RPIA: variants seen among roughly 807,000 people sequenced by gnomAD.
The protein encoded by RPIA is ribose 5-phosphate isomerase A.
In RPIA, 29 loss-of-function variants were observed where a neutral mutation model predicts 37.8. The observed-to-expected ratio is 0.77, with a 90% confidence interval of 0.57 to 1.05. RPIA has a LOEUF of 1.05. RPIA is among the 50% of genes least tolerant of loss of function. The pLI is 0.00. For synonymous variants in RPIA, 167 were observed against 157.0 expected (o/e 1.06, Z -0.48); for missense variants, 385 against 413.6 (o/e 0.93, Z 0.60).
At chr2:88,738,118 C>A in intron 8 of RPIA, 42 bp downstream of exon 8, 2 of 1,413,174 alleles carry the variant, frequency 1.4e-6, no homozygotes, top group Non-Finnish European at 2.0e-6. Context: ...ACACCCATGG[C>A]CTTCATAACT....
At chr2:88,743,800 T>C (rs570325869) in intron 8 of RPIA, among the ~76,000 whole-genome samples, 1 of 152,194 alleles carries the variant, frequency 6.6e-6, no homozygotes, top group African/African-American at 2.4e-5. Flanking sequence ...TTCATGCACA[T>C]ACAGGTGTTC....
intron 3 of RPIA, among the ~76,000 whole-genome samples, chr2:88,714,376 T>C (rs560063228): frequency 3.9e-5 from 6 of 152,142 alleles, no homozygotes; most frequent in Non-Finnish European, 7.4e-5. Context: ...TTCACCATGT[T>C]GGCCAGGCTG....
At chr2:88,710,037 G>C (rs181492946) in intron 3 of RPIA, among the ~76,000 whole-genome samples, 156 of 152,166 alleles carry the variant, frequency 1.0e-3, no homozygotes, top group Non-Finnish European at 1.6e-3. Context: ...CATCTGATCT[G>C]GGCAAGGCAG....
intron 6 of RPIA, 72 bp downstream of exon 6, chr2:88,735,809 T>G: frequency 6.9e-7 from 1 of 1,444,736 alleles, no homozygotes; most frequent in South Asian, 1.1e-5. Context: ...CCCATTTTTG[T>G]GAAAGAGGAA....
At chr2:88,695,478 C>T (rs967698174) in intron 1 of RPIA, among the ~76,000 whole-genome samples, 2 of 152,210 alleles carry the variant, frequency 1.3e-5, no homozygotes, top group Non-Finnish European at 2.9e-5. Context: ...CAGAAGTCTT[C>T]TGTGTTGATG....
At chr2:88,699,298 C>T (rs1672800493) in intron 2 of RPIA, among the ~76,000 whole-genome samples, 1 of 152,126 alleles carries the variant, frequency 6.6e-6, no homozygotes, top group Non-Finnish European at 1.5e-5. Flanking sequence ...TTTCAGGGCA[C>T]AGGAGTTACT....
At chr2:88,707,187 C>T (rs1206286628) in intron 3 of RPIA, among the ~76,000 whole-genome samples, 1 of 152,144 alleles carries the variant, frequency 6.6e-6, no homozygotes, top group East Asian at 1.9e-4. Context: ...GTTGATTTAC[C>T]TTCTTAACAA....
At chr2:88,739,547 C>T (rs10185585) in intron 8 of RPIA, among the ~76,000 whole-genome samples, 9,203 of 152,166 alleles carry the variant, frequency 0.06, 493 homozygotes, top group African/African-American at 0.14. Flanking sequence ...TAAGATACAC[C>T]TGTGCTAGTT....
At chr2:88,735,121 T>C (rs1051276629) in intron 5 of RPIA, among the ~76,000 whole-genome samples, 2 of 152,250 alleles carry the variant, frequency 1.3e-5, no homozygotes, top group African/African-American at 4.8e-5. Flanking sequence ...AGCAGACTAT[T>C]GAGTGATGCA....
At chr2:88,735,574 C>G (rs956666834) in intron 5 of RPIA, 95 bp from the exon 6 acceptor site, 2 of 1,100,800 alleles carry the variant, frequency 1.8e-6, no homozygotes, top group Non-Finnish European at 2.8e-6. Context: ...CTTTAAGTGC[C>G]AGGATTGAGT....
At chr2:88,700,310 C>T (rs1438547346) in intron 3 of RPIA, among the ~76,000 whole-genome samples, 6 of 152,064 alleles carry the variant, frequency 3.9e-5, no homozygotes, top group Non-Finnish European at 7.3e-5. Flanking sequence ...AGAGATGGCC[C>T]GGTAGTCTCT....
intron 1 of RPIA, among the ~76,000 whole-genome samples, chr2:88,696,319 T>C (rs1672744035): frequency 6.6e-6 from 1 of 152,066 alleles, no homozygotes; most frequent in Non-Finnish European, 1.5e-5. Flanking sequence ...AGAGGTGAGA[T>C]GATCACTTGA....
Position 88,693,578 on chromosome 2 carries a change from C to A in RPIA, c.285+1595C>A, listed in dbSNP as rs538771735. 3.9e-5 allele frequency among the ~76,000 whole-genome samples: 6 copies of A among 152,302 alleles called. No individual in the cohort carries two copies. In the South Asian group the frequency reaches 1.0e-3, roughly 26 times the overall value. ...CTCATGTTTTGGTCATCTGTGTGTTCGTTTCTTCCAGCCCCTTAAAGGGTA... is the reference window on the plus strand; with the variant it reads ...CTCATGTTTTGGTCATCTGTGTGTTAGTTTCTTCCAGCCCCTTAAAGGGTA... On this transcript the variant is annotated intron_variant, in intron 1 of 8. Transcript: ENST00000283646.
intron 3 of RPIA, among the ~76,000 whole-genome samples, chr2:88,703,524 C>T (rs371957597): frequency 1.8e-4 from 27 of 152,328 alleles, no homozygotes; most frequent in East Asian, 7.7e-4. Context: ...AGCTACAGCC[C>T]GAGCTCTACA....
At chr2:88,696,740 A>C (rs925088809) in intron 1 of RPIA, among the ~76,000 whole-genome samples, 4 of 152,124 alleles carry the variant, frequency 2.6e-5, no homozygotes, top group African/African-American at 4.8e-5. Context: ...TTTATAATGA[A>C]CAGAAATGTT....
chr2:88,747,710 G>C (rs997042491), intron 8 of RPIA, among the ~76,000 whole-genome samples: 3 of 152,180 alleles, frequency 2.0e-5, no homozygotes, highest in Non-Finnish European at 2.9e-5. Context: ...CTCTAGGTAA[G>C]ATTAAATCCG....
intron 8 of RPIA, among the ~76,000 whole-genome samples, chr2:88,739,360 C>T (rs1334835208): frequency 7.9e-5 from 12 of 152,092 alleles, no homozygotes; most frequent in South Asian, 2.1e-4. Context: ...TCTCTGTGCC[C>T]GAGTTTCTTC....
intron 3 of RPIA, among the ~76,000 whole-genome samples, chr2:88,715,021 T>C (rs1673015547): frequency 6.6e-6 from 1 of 152,266 alleles, no homozygotes. Flanking sequence ...TTCTCTTTTT[T>C]TTACTCCTAC....
chr2:88,707,300 A>T (rs1181604297), intron 3 of RPIA, among the ~76,000 whole-genome samples: 3 of 147,154 alleles, frequency 2.0e-5, no homozygotes, highest in Non-Finnish European at 4.4e-5. Context: ...TTTTCTTGTG[A>T]TTTTCTTTTT....
Sources: gnomAD v4.1 joint callset for allele counts (sites outside exome capture counted in the v4.1 genomes callset) on GRCh38, gnomAD v4.1.1 for gene constraint, MANE v1.5 for transcripts, NCBI Gene and HGNC (gene_info 2026-07-23, HGNC 2026-07-21) for gene names.